Variants in GRB2 observed in about 807,000 individuals in gnomAD.
GRB2 encodes growth factor receptor bound protein 2.
A neutral mutation model predicts 27.4 loss-of-function variants in GRB2; 2 were observed. That is an observed-to-expected ratio of 0.07 (90% confidence interval 0.03 to 0.23). The LOEUF (loss-of-function observed/expected upper bound fraction) is 0.23, where lower values mean the gene tolerates loss of function less well. Among genes scored for constraint, GRB2 ranks in the 10% least tolerant of loss-of-function variants. GRB2 has a pLI of 1.00. For synonymous variants in GRB2, 94 were observed against 99.6 expected (o/e 0.94, Z 0.33); for missense variants, 102 against 282.4 (o/e 0.36, Z 4.58).
chr17:75,353,411 T>A (rs1490128686), intron 2 of GRB2, among the ~76,000 whole-genome samples: 1 of 152,030 alleles, frequency 6.6e-6, no homozygotes, highest in Non-Finnish European at 1.5e-5. Context: ...AAGGGTCAAC[T>A]GTACTTCCTT....
Position 75,320,246 on chromosome 17 carries a change from GGGTGACCCGGCCA to G in GRB2, c.*109_*121del. 2.4e-6 allele frequency: 2 copies of G among 850,000 alleles called. No homozygotes were observed. The highest frequency in any genetic ancestry group is 3.8e-6 in the Non-Finnish European group (2 of 520,746). 52.7% of individuals were successfully genotyped at this position (850,000 alleles called of 1,614,324 possible). On this transcript the variant is annotated 3_prime_UTR_variant, in exon 6 of 6. Coordinates refer to ENST00000316804, the MANE Select transcript of GRB2 (RefSeq NM_002086.5). The surrounding 1 kb of genome is among the most constrained non-coding windows in gnomAD (Gnocchi z 4.3). ...TTCCAACCAAAGTGAGAGGGTCACAGGGTGACCCGGCCAGGTGTTCTGCACTCCCTCACAGGCT... is the reference window on the plus strand; with the variant it reads ...TTCCAACCAAAGTGAGAGGGTCACAGGGTGTTCTGCACTCCCTCACAGGCT...
intron 4 of GRB2, among the ~76,000 whole-genome samples, chr17:75,325,071 T>C (rs2078489756): frequency 6.6e-6 from 1 of 152,024 alleles, no homozygotes; most frequent in Non-Finnish European, 1.5e-5. Context: ...CGAGACTCTG[T>C]CTCAAAAATA....
At chr17:75,351,694 C>T (rs2078693576) in intron 2 of GRB2, among the ~76,000 whole-genome samples, 1 of 151,632 alleles carries the variant, frequency 6.6e-6, no homozygotes, top group Non-Finnish European at 1.5e-5. Flanking sequence ...TAAACAAAGA[C>T]AAAGAGAAAG....
At chr17:75,391,622 C>T (rs149880148) in intron 2 of GRB2, among the ~76,000 whole-genome samples, 119 of 152,150 alleles carry the variant, frequency 7.8e-4, no homozygotes, top group African/African-American at 2.7e-3. Flanking sequence ...TCCTGGCTAA[C>T]ATGGTGAAAT....
chr17:75,399,509 A>G (rs1215854431), intron 1 of GRB2, among the ~76,000 whole-genome samples: 6 of 150,938 alleles, frequency 4.0e-5, no homozygotes, highest in Admixed American at 2.0e-4. Flanking sequence ...CTGGGATTAC[A>G]TGCCCCCACC....
chr17:75,321,302 G>A (rs955754220), intron 5 of GRB2, among the ~76,000 whole-genome samples: 8 of 149,700 alleles, frequency 5.3e-5, no homozygotes, highest in African/African-American at 1.0e-4. Context: ...TCAGCTTCCC[G>A]AGTAGCTGGG....
At chr17:75,340,355 G>A (rs2078612559) in intron 2 of GRB2, among the ~76,000 whole-genome samples, 1 of 152,192 alleles carries the variant, frequency 6.6e-6, no homozygotes, top group Admixed American at 6.5e-5. Context: ...CCAGTGAGGT[G>A]TCCCCAGTTC....
chr17:75,383,734 C>A (rs1017101757), intron 2 of GRB2, among the ~76,000 whole-genome samples: 4 of 152,038 alleles, frequency 2.6e-5, no homozygotes, highest in African/African-American at 9.7e-5. Flanking sequence ...CCCAGCTACT[C>A]AAGAGGCTGA....
chr17:75,355,733 A>G (rs2078727925), intron 2 of GRB2, among the ~76,000 whole-genome samples: 1 of 150,636 alleles, frequency 6.6e-6, no homozygotes, highest in South Asian at 2.1e-4. Flanking sequence ...GACAAGTTTG[A>G]CCTAAGTTAT....
chr17:75,402,814 G>A (rs891429044), intron 1 of GRB2, among the ~76,000 whole-genome samples: 6 of 151,974 alleles, frequency 3.9e-5, no homozygotes, highest in South Asian at 2.1e-4. Flanking sequence ...GGTGGCTCAC[G>A]CCTGTAATCC....
chr17:75,347,186 G>C (rs1726821164), intron 2 of GRB2, among the ~76,000 whole-genome samples: 1 of 152,134 alleles, frequency 6.6e-6, no homozygotes, highest in Non-Finnish European at 1.5e-5. Context: ...CGCCCACACT[G>C]ATAGCGGCAG....
intron 4 of GRB2, among the ~76,000 whole-genome samples, chr17:75,323,998 G>A (rs1598216126): frequency 1.3e-5 from 2 of 149,784 alleles, no homozygotes; most frequent in Admixed American, 1.3e-4. Context: ...TTTTAGTAGG[G>A]ACAGTGTTTC....
At chr17:75,377,572 G>A (rs1055584788) in intron 2 of GRB2, among the ~76,000 whole-genome samples, 2 of 127,586 alleles carry the variant, frequency 1.6e-5, no homozygotes, top group African/African-American at 5.8e-5. Context: ...CTCCAGCCCA[G>A]GCAACAGAGC....
chr17:75,336,602 C>T (rs1489432464), intron 2 of GRB2, among the ~76,000 whole-genome samples: 2 of 152,184 alleles, frequency 1.3e-5, no homozygotes, highest in Non-Finnish European at 2.9e-5. Flanking sequence ...ACAAACACAA[C>T]TCCAGGGCAA....
intron 2 of GRB2, among the ~76,000 whole-genome samples, chr17:75,338,284 C>T (rs1480781879): frequency 3.3e-5 from 5 of 151,828 alleles, no homozygotes; most frequent in Non-Finnish European, 5.9e-5. Flanking sequence ...AGGCTGGTCT[C>T]GAACTCCTGG....
intron 2 of GRB2, among the ~76,000 whole-genome samples, chr17:75,344,002 C>T (rs917190790): frequency 6.6e-6 from 1 of 152,164 alleles, no homozygotes; most frequent in Non-Finnish European, 1.5e-5. Context: ...TCCCAAGGAG[C>T]TTAGGGGACT....
chr17:75,368,526 GTT>G (rs1216199577), intron 2 of GRB2, among the ~76,000 whole-genome samples: 1 of 141,846 alleles, frequency 7.0e-6, no homozygotes, highest in African/African-American at 2.6e-5. Flanking sequence ...TCAGGCGTTT[GTT>G]TTTTTTTTTG....
At chr17:75,363,030 C>G (rs114913655) in intron 2 of GRB2, among the ~76,000 whole-genome samples, 115 of 152,270 alleles carry the variant, frequency 7.6e-4, no homozygotes, top group African/African-American at 2.6e-3. Flanking sequence ...AGGTGCCCAG[C>G]AGAAAGTATA....
intron 4 of GRB2, among the ~76,000 whole-genome samples, chr17:75,325,517 T>G (rs987057350): frequency 2.0e-5 from 3 of 152,170 alleles, no homozygotes; most frequent in Admixed American, 2.0e-4. Flanking sequence ...ATGGGGCTGG[T>G]TGATTTAAGT....
Sources: gnomAD v4.1 joint callset for allele counts (sites outside exome capture counted in the v4.1 genomes callset) on GRCh38, gnomAD v4.1.1 for gene constraint, Gnocchi (gnomAD v3.1) non-coding constraint, MANE v1.5 for transcripts, NCBI Gene and HGNC (gene_info 2026-07-23, HGNC 2026-07-21) for gene names.